The following MTMR3 variants were observed in gnomAD, a reference collection of about 807,000 sequenced individuals.
MTMR3 encodes phosphatidylinositol-3,5-bisphosphate 3-phosphatase MTMR3.
Under a neutral mutation model 132.4 loss-of-function variants are expected in MTMR3, and 32 were observed. The observed-to-expected ratio is 0.24, with a 90% CI of 0.18 to 0.32. The LOEUF is 0.32. Ranked by LOEUF, MTMR3 falls within the 10% of genes least tolerant of loss-of-function variation. The pLI, the probability that MTMR3 is intolerant of heterozygous loss-of-function variation, is 1.00. For synonymous variants in MTMR3, 556 were observed against 550.3 expected (o/e 1.01, Z -0.14); for missense variants, 1,216 against 1,489.6 (o/e 0.82, Z 3.02).
In MTMR3 at chr22:30,017,918, C is replaced by A. The variant is rs1035946692; in HGVS notation, c.1675-9C>A. ...GCATATTTAAACCTGTGTCCTCCCC[C>A]CTCCTCAGGTGCTGTACCCTGTGTG... On this transcript the variant is annotated splice_polypyrimidine_tract_variant and intron_variant, in intron 15 of 19. Transcript: ENST00000401950. 2.5e-6 allele frequency: 4 copies of A among 1,612,598 alleles called. No individual in the cohort carries two copies. The highest frequency in any genetic ancestry group is 1.1e-5 in the South Asian group (1 of 90,798).
chr22:29,956,699 TC>T (rs1294306361), intron 1 of MTMR3, among the ~76,000 whole-genome samples: 9 of 152,188 alleles, frequency 5.9e-5, no homozygotes, highest in African/African-American at 1.4e-4. Flanking sequence ...AAGTACCTGT[TC>T]CTGTATTGGC....
rs1406417807 is a variant in MTMR3, at chr22:29,991,765, T to A, written c.460+95T>A. 3.9e-6 allele frequency: 5 copies of A among 1,292,516 alleles called. No individual in the cohort carries two copies. The Admixed American group carries it at 1.3e-4, about 33-fold the overall frequency. 80.1% of individuals were successfully genotyped at this position (1,292,516 alleles called of 1,614,324 possible). ...GAAATGGGACACCTAAGCATTCATATATCAATCAGTGTATATTTTAAGGAG... is the reference window on the plus strand; with the variant it reads ...GAAATGGGACACCTAAGCATTCATAAATCAATCAGTGTATATTTTAAGGAG... On this transcript the variant is annotated intron_variant, in intron 7 of 19. Transcript: ENST00000401950.
intron 19 of MTMR3, 200 bp downstream of exon 19, chr22:30,022,897 A>C: frequency 1.7e-6 from 1 of 572,598 alleles, no homozygotes; most frequent in Non-Finnish European, 3.1e-6. Context: ...AATCACTGTT[A>C]AATTCTGAAA....
At chr22:29,885,145 C>G (rs1436089919) in intron 1 of MTMR3, among the ~76,000 whole-genome samples, 1 of 152,096 alleles carries the variant, frequency 6.6e-6, no homozygotes, top group Non-Finnish European at 1.5e-5. Context: ...TATGGACTAC[C>G]TAAATTCCTC....
At chr22:29,931,947 G>A (rs1463459950) in intron 1 of MTMR3, among the ~76,000 whole-genome samples, 1 of 152,036 alleles carries the variant, frequency 6.6e-6, no homozygotes, top group Non-Finnish European at 1.5e-5. Flanking sequence ...CTTTGCACAT[G>A]TGCATTGATT....
chr22:29,943,436 C>T lies in MTMR3; in HGVS notation c.-137-13600C>T, dbSNP rs191717662. ...TCTCGATCTGACCTCGTGATCCGCC[C>T]GTCTCGGCCTCCCAAAGTGCTGGGA... On this transcript the variant is annotated intron_variant, in intron 1 of 19. Coordinates refer to ENST00000401950, the MANE Select transcript of MTMR3 (RefSeq NM_021090.4). Among the ~76,000 whole-genome samples, 480 of 152,226 alleles carry T rather than the reference C, an allele frequency of 3.2e-3. 9 individuals carry two copies. Among genetic ancestry groups the T allele is most frequent in the East Asian group, 0.012 (62 of 5,168 alleles).
In MTMR3 at chr22:29,888,265, G is replaced by A. The variant is rs927632898; in HGVS notation, c.-138+4906G>A. On this transcript the variant is annotated intron_variant, in intron 1 of 19. Coordinates refer to ENST00000401950, the MANE Select transcript of MTMR3 (RefSeq NM_021090.4). Reference sequence around the variant, plus strand: ...TTGCTACGTTGCCCAGGCTGGTCTTGAACTCCTGGGCTCAAAGGTAGTCCT... The same window carrying A: ...TTGCTACGTTGCCCAGGCTGGTCTTAAACTCCTGGGCTCAAAGGTAGTCCT... Among the ~76,000 whole-genome samples the A allele has an allele frequency of 2.6e-5, 4 of 151,874 alleles. No individual in the cohort carries two copies. In the East Asian group the frequency reaches 7.7e-4, roughly 29 times the overall value.
intron 4 of MTMR3, 31 bp downstream of exon 4, chr22:29,978,562 AT>A (rs1320875152): frequency 1.3e-6 from 2 of 1,553,416 alleles, no homozygotes; most frequent in South Asian, 2.2e-5. Flanking sequence ...AATGTAAAAT[AT>A]TTATTTAGCA....
intron 1 of MTMR3, among the ~76,000 whole-genome samples, chr22:29,894,318 T>C (rs1193243482): frequency 1.3e-5 from 2 of 152,168 alleles, no homozygotes; most frequent in East Asian, 3.8e-4. Context: ...ACTTTATCAT[T>C]GTGAACTCCA....
intron 1 of MTMR3, among the ~76,000 whole-genome samples, chr22:29,914,984 T>G (rs1485346510): frequency 6.6e-6 from 1 of 152,218 alleles, no homozygotes; most frequent in Non-Finnish European, 1.5e-5. Context: ...TTAATTCCAT[T>G]GTGGTCAGAG....
rs751317915 is a variant in MTMR3, at chr22:29,979,067, G to A, written c.210+15G>A. 4.6e-6 allele frequency: 7 copies of A among 1,524,898 alleles called. No individual in the cohort carries two copies. Among genetic ancestry groups the A allele is most frequent in the Non-Finnish European group, 6.4e-6 (7 of 1,098,572 alleles). 94.5% of individuals were successfully genotyped at this position (1,524,898 alleles called of 1,614,324 possible). On this transcript the variant is annotated intron_variant, in intron 5 of 19. Transcript: ENST00000401950. ...CTCTTGTTAATGTAAGTGATTACCA[G>A]CTGTTCTCCCTCTAAGGTAAATGGA...
chr22:29,902,198 T>C (rs1403099240), intron 1 of MTMR3, among the ~76,000 whole-genome samples: 4 of 152,320 alleles, frequency 2.6e-5, no homozygotes, highest in Middle Eastern at 3.4e-3. Context: ...TCTGTTTGTA[T>C]AAATAATCTT....
chr22:30,022,393 G>T, intron 18 of MTMR3: 1 of 612,562 alleles, frequency 1.6e-6, no homozygotes, highest in Admixed American at 2.7e-5. Flanking sequence ...GTGACCCAGG[G>T]TGCTGCTGCC....
intron 1 of MTMR3, among the ~76,000 whole-genome samples, chr22:29,942,175 A>G (rs934178745): frequency 6.6e-6 from 1 of 152,168 alleles, no homozygotes; most frequent in African/African-American, 2.4e-5. Flanking sequence ...GAAAGACTAC[A>G]AAAGAGAGAA....
chr22:29,943,113 A>G (rs113072626), intron 1 of MTMR3, among the ~76,000 whole-genome samples: 48 of 152,276 alleles, frequency 3.2e-4, no homozygotes, highest in African/African-American at 9.6e-4. Flanking sequence ...AATCTTCACA[A>G]TTTATGTTCT....
intron 16 of MTMR3, 106 bp downstream of exon 16, chr22:30,018,178 G>T: frequency 7.9e-7 from 1 of 1,269,198 alleles, no homozygotes; most frequent in Non-Finnish European, 1.0e-6. Flanking sequence ...TGGCTCCACA[G>T]TATCTTTCTT....
intron 1 of MTMR3, among the ~76,000 whole-genome samples, chr22:29,950,291 CT>C (rs2066049210): frequency 1.3e-5 from 2 of 151,896 alleles, no homozygotes; most frequent in African/African-American, 2.4e-5. Flanking sequence ...TTAAGTATGT[CT>C]TTTGTTTTCT....
chr22:29,944,203 C>T (rs888466282), intron 1 of MTMR3, among the ~76,000 whole-genome samples: 11 of 151,800 alleles, frequency 7.2e-5, no homozygotes, highest in Admixed American at 2.6e-4. Context: ...CCTTTTGAGA[C>T]ATTAATATCT....
At chr22:29,931,895 T>C (rs1231779986) in intron 1 of MTMR3, among the ~76,000 whole-genome samples, 1 of 151,972 alleles carries the variant, frequency 6.6e-6, no homozygotes, top group Non-Finnish European at 1.5e-5. Flanking sequence ...CAAGATTTCA[T>C]GTTATTTGGT....
Sources: allele counts gnomAD v4.1 joint callset (sites outside exome capture counted in the v4.1 genomes callset), GRCh38; gene constraint gnomAD v4.1.1; transcripts MANE v1.5; gene names NCBI Gene and HGNC (gene_info 2026-07-23, HGNC 2026-07-21).